Variants in TRPM7 observed in about 807,000 individuals in gnomAD.
The protein encoded by TRPM7 is transient receptor potential cation channel subfamily M member 7.
TRPM7 carries 134 observed loss-of-function variants against 229.7 expected under a neutral mutation model. The ratio of observed to expected loss-of-function variants is 0.58; its 90% CI spans 0.51 to 0.67. TRPM7 has a LOEUF of 0.67. Among genes scored for constraint, TRPM7 ranks in the 30% least tolerant of loss-of-function variants. The probability of loss-of-function intolerance (pLI) is 0.00; values close to 1 mark genes in which losing one functional copy is unlikely to be tolerated. For missense variants in TRPM7, 1,901 were observed against 2,210.0 expected (o/e 0.86, Z 2.80); for synonymous variants, 699 against 715.2 (o/e 0.98, Z 0.36).
In TRPM7 at chr15:50,611,064, C is replaced by T. The variant is rs773377853; in HGVS notation, c.2280+29G>A. The T allele has an allele frequency of 3.0e-5, 46 of 1,532,864 alleles. No homozygotes were observed. The East Asian group carries it at 6.5e-4, about 22-fold the overall frequency. 95.0% of individuals were successfully genotyped at this position (1,532,864 alleles called of 1,614,324 possible). A position where few individuals can be genotyped will look rare whatever the true frequency, so the allele number is the denominator to read the frequency against. On this transcript the variant is annotated intron_variant, in intron 17 of 38. Transcript: ENST00000646667. ...TCTGTTCTTTTTATCTAATCACATG[C>T]TTTATATCAAATTATTTCTAAAGTA...
intron 5 of TRPM7, among the ~76,000 whole-genome samples, chr15:50,640,186 C>T (rs2061050767): frequency 1.3e-5 from 2 of 152,100 alleles, no homozygotes; most frequent in Admixed American, 6.5e-5. Context: ...ACACAATAAA[C>T]AATGACAAAA....
At chr15:50,610,850 C>G (rs1007405984) in intron 17 of TRPM7, among the ~76,000 whole-genome samples, 1 of 151,874 alleles carries the variant, frequency 6.6e-6, no homozygotes, top group African/African-American at 2.4e-5. Flanking sequence ...CCATTTGTTC[C>G]CCTTCTAGCT....
chr15:50,561,935 C>T lies in TRPM7; in HGVS notation c.5468-127G>A, dbSNP rs1419511456. Reference sequence around the variant, plus strand: ...TCAAGACGGAGTTTCGCTCTTGTTGCCCAAGCTGGAGTGCAATGGCGCGAT... The same window carrying T: ...TCAAGACGGAGTTTCGCTCTTGTTGTCCAAGCTGGAGTGCAATGGCGCGAT... On this transcript the variant is annotated intron_variant, in intron 38 of 38. Transcript: ENST00000646667. 4 of 992,340 alleles carry T rather than the reference C, an allele frequency of 4.0e-6. No homozygotes were observed. In the African/African-American group the frequency reaches 5.1e-5, roughly 13 times the overall value. The allele number at this position is 992,340 out of a possible 1,614,324, so 61.5% of individuals were successfully genotyped here.
intron 3 of TRPM7, among the ~76,000 whole-genome samples, chr15:50,656,910 C>G (rs1271776580): frequency 6.6e-6 from 1 of 152,180 alleles, no homozygotes. Flanking sequence ...ATGCCTACTT[C>G]TCTTCATTGT....
At chr15:50,583,784 G>A (rs1239406646) in intron 28 of TRPM7, among the ~76,000 whole-genome samples, 1 of 151,932 alleles carries the variant, frequency 6.6e-6, no homozygotes, top group Non-Finnish European at 1.5e-5. Flanking sequence ...TTGTTGTTCA[G>A]GCTGGTCTCA....
chr15:50,621,020 A>G (rs2060383639), intron 12 of TRPM7, among the ~76,000 whole-genome samples: 1 of 150,936 alleles, frequency 6.6e-6, no homozygotes, highest in African/African-American at 2.4e-5. Context: ...TTAGCCGGGC[A>G]TGGTGGCGGG....
chr15:50,577,976 AATTTC>A (rs2054216665), intron 31 of TRPM7, among the ~76,000 whole-genome samples: 2 of 152,188 alleles, frequency 1.3e-5, no homozygotes, highest in Non-Finnish European at 2.9e-5. Context: ...TATACTGTAC[AATTTC>A]ATTTATATAG....
intron 21 of TRPM7, among the ~76,000 whole-genome samples, chr15:50,601,983 T>C (rs1307784026): frequency 6.6e-6 from 1 of 151,340 alleles, no homozygotes; most frequent in Non-Finnish European, 1.5e-5. Flanking sequence ...GATTATACTT[T>C]AAGTTCTAGG....
chr15:50,673,532 A>G (rs1450172594), intron 1 of TRPM7, among the ~76,000 whole-genome samples: 6 of 152,042 alleles, frequency 3.9e-5, no homozygotes, highest in Non-Finnish European at 7.3e-5. Context: ...TTGGTTTTCC[A>G]TTCCTGAGTT....
Position 50,647,511 on chromosome 15 carries a change from C to T in TRPM7, c.321+1176G>A, listed in dbSNP as rs975366381. Among the ~76,000 whole-genome samples the T allele has an allele frequency of 4.6e-5, 7 of 152,040 alleles. No homozygotes were observed. The South Asian group carries it at 6.2e-4, about 14-fold the overall frequency. On this transcript the variant is annotated intron_variant, in intron 4 of 38. Transcript: ENST00000646667. ...CTGTAATCCCAGCACTTTAGGAGGC[C>T]GAGGCGGGCAGATCATGAGGTCAGG... is the stretch of plus-strand genomic sequence containing the variant.
chr15:50,616,587 G>C (rs1278998751), intron 13 of TRPM7, among the ~76,000 whole-genome samples: 1 of 152,144 alleles, frequency 6.6e-6, no homozygotes, highest in East Asian at 1.9e-4. Context: ...ACTGCTAAAG[G>C]GTACAGGGTA....
chr15:50,587,902 A>G (rs576463357), intron 27 of TRPM7, among the ~76,000 whole-genome samples: 6 of 152,198 alleles, frequency 3.9e-5, no homozygotes, highest in African/African-American at 1.2e-4. Flanking sequence ...TAATTATAAA[A>G]CCAATTTGGT....
intron 13 of TRPM7, among the ~76,000 whole-genome samples, chr15:50,618,437 G>A (rs1478836547): frequency 6.6e-6 from 1 of 152,014 alleles, no homozygotes; most frequent in Non-Finnish European, 1.5e-5. Flanking sequence ...AGGCGTGGTG[G>A]CAGGTGCCTG....
chr15:50,596,428 AATTCATCAGTAACTGCT>A, intron 22 of TRPM7, 47 bp from the exon 23 acceptor site: 1 of 1,412,334 alleles, frequency 7.1e-7, no homozygotes, highest in East Asian at 2.5e-5. Context: ...TAAAAATAGT[AATTCATCAGTAACTGCT>A]ATTCATGAGT....
intron 1 of TRPM7, among the ~76,000 whole-genome samples, chr15:50,663,750 A>T (rs1466994346): frequency 1.3e-5 from 2 of 152,142 alleles, no homozygotes; most frequent in Admixed American, 1.3e-4. Context: ...GGATCCTTTT[A>T]GACAGAATTC....
intron 38 of TRPM7, among the ~76,000 whole-genome samples, chr15:50,569,252 G>A (rs2053757124): frequency 6.6e-6 from 1 of 152,068 alleles, no homozygotes; most frequent in Non-Finnish European, 1.5e-5. Flanking sequence ...ATCAAAGAGA[G>A]ACAACCACAG....
At chr15:50,681,906 G>C (rs963700847) in intron 1 of TRPM7, among the ~76,000 whole-genome samples, 2 of 152,162 alleles carry the variant, frequency 1.3e-5, no homozygotes, top group Admixed American at 1.3e-4. Flanking sequence ...ATAAAAGACT[G>C]TGCGGTGGCT....
intron 13 of TRPM7, among the ~76,000 whole-genome samples, chr15:50,616,132 A>G (rs2060215927): frequency 1.3e-5 from 2 of 150,754 alleles, no homozygotes; most frequent in Admixed American, 1.3e-4. Flanking sequence ...ACCCACTTGA[A>G]GAAGAAATTT....
rs749972780 is a variant in TRPM7, at chr15:50,592,473, C to T, written c.3762G>A (p.Ala1254=). The T allele has an allele frequency of 8.7e-6, 14 of 1,613,986 alleles. No individual in the cohort carries two copies. The highest frequency in any genetic ancestry group is 3.3e-5 in the South Asian group (3 of 91,078). The change falls in exon 26 of 39, where the codon GCG becomes GCA. Residue 1254 remains alanine, a synonymous_variant. Transcript: ENST00000646667. ...DTLKTLTAQK[A]SEASKVHNEI... is the part of the protein sequence containing the mutation. ...CATTATGAACTTTGCTAGCTTCCGACGCTTTCTGGGCAGTGAGTGTTTTTA... is the reference window on the plus strand; with the variant it reads ...CATTATGAACTTTGCTAGCTTCCGATGCTTTCTGGGCAGTGAGTGTTTTTA...
Sources: gnomAD v4.1 joint callset for allele counts (sites outside exome capture counted in the v4.1 genomes callset) on GRCh38, gnomAD v4.1.1 for gene constraint, MANE v1.5 for transcripts, NCBI Gene and HGNC (gene_info 2026-07-23, HGNC 2026-07-21) for gene names.